Variants in SPAG9 observed in about 807,000 individuals in gnomAD.
SPAG9 encodes the protein sperm associated antigen 9.
In SPAG9, 35 loss-of-function variants were observed where a neutral mutation model predicts 166.5. The ratio of observed to expected loss-of-function variants is 0.21; its 90% CI spans 0.16 to 0.28. The LOEUF (loss-of-function observed/expected upper bound fraction) is 0.28. Ranked by LOEUF, SPAG9 falls within the 10% of genes least tolerant of loss-of-function variation. SPAG9 has a pLI of 1.00. For synonymous variants in SPAG9, 534 were observed against 565.5 expected, an observed-to-expected ratio of 0.94 and a Z score of 0.79; for missense variants, 1,235 against 1,603.3, an observed-to-expected ratio of 0.77 and a Z score of 3.92.
At chr17:50,991,081 A>G (rs1340329059) in intron 19 of SPAG9, among the ~76,000 whole-genome samples, 3 of 151,278 alleles carry the variant, frequency 2.0e-5, no homozygotes, top group Non-Finnish European at 4.4e-5. Context: ...TAATTTTTGT[A>G]TTTTTGGTAG....
At chr17:51,012,626 A>C (rs987477211) in intron 9 of SPAG9, among the ~76,000 whole-genome samples, 73 of 151,962 alleles carry the variant, frequency 4.8e-4, no homozygotes, top group African/African-American at 1.6e-3. Flanking sequence ...CAATTCATTC[A>C]ATTTCTTCCA....
chr17:51,040,292 A>T (rs1283330441), intron 5 of SPAG9: 2 of 152,112 alleles, frequency 1.3e-5, no homozygotes, highest in Non-Finnish European at 2.9e-5. Flanking sequence ...GCCCAGTAAC[A>T]TCACTGTGGG....
In SPAG9 at chr17:50,999,591, T is replaced by A. The variant is rs755436026; in HGVS notation, c.1664+70A>T. The A allele has an allele frequency of 4.6e-6, 7 of 1,506,466 alleles. No individual in the cohort carries two copies. In the African/African-American group the frequency reaches 7.0e-5, roughly 15 times the overall value. The allele number at this position is 1,506,466 out of a possible 1,614,324, so 93.3% of individuals were successfully genotyped here. A position where few individuals can be genotyped will look rare whatever the true frequency, so the allele number is the denominator to read the frequency against. ...AAGAAAATGGACATAAAATCATTCTTGGAAATAAATTTTGACTGTAATTTT... is the reference window on the plus strand; with the variant it reads ...AAGAAAATGGACATAAAATCATTCTAGGAAATAAATTTTGACTGTAATTTT... On this transcript the variant is annotated intron_variant, in intron 14 of 29. Coordinates refer to ENST00000262013, the MANE Select transcript of SPAG9 (RefSeq NM_001130528.3).
intron 1 of SPAG9, among the ~76,000 whole-genome samples, chr17:51,083,144 G>C (rs922522684): frequency 2.0e-5 from 3 of 151,964 alleles, no homozygotes; most frequent in African/African-American, 7.2e-5. Flanking sequence ...CCTGGAGCCA[G>C]AATTTTCCCA....
intron 1 of SPAG9, among the ~76,000 whole-genome samples, chr17:51,095,168 G>A (rs1474789156): frequency 6.6e-6 from 1 of 151,764 alleles, no homozygotes; most frequent in African/African-American, 2.4e-5. Context: ...GTGGTGGCGG[G>A]CACCTGTAGT....
At chr17:51,074,614 T>C (rs1378829376) in intron 2 of SPAG9, among the ~76,000 whole-genome samples, 1 of 152,188 alleles carries the variant, frequency 6.6e-6, no homozygotes, top group Admixed American at 6.5e-5. Context: ...AATAAAGTTT[T>C]TAGATCAAAT....
At position 50,990,604 on chromosome 17, in the gene SPAG9, T is replaced by C. The variant is rs779158869; in HGVS notation, c.2463A>G (p.Ala821=). Reference sequence around the variant, plus strand: ...TGCTTGTCATACTTCCACATAAAGATGCTTTGTCTACCTGACCAGATTCTG... The same window carrying C: ...TGCTTGTCATACTTCCACATAAAGACGCTTTGTCTACCTGACCAGATTCTG... ...DLSESGQVDK[A]SLCGSMTSNS... Residue 821 remains alanine, a synonymous_variant, in exon 20 of 30, where the codon GCA becomes GCG. Coordinates refer to ENST00000262013, the MANE Select transcript of SPAG9 (RefSeq NM_001130528.3). 2.5e-6 allele frequency: 4 copies of C among 1,614,128 alleles called. No homozygotes were observed. The highest frequency in any genetic ancestry group is 3.4e-6 in the Non-Finnish European group (4 of 1,180,050).
intron 1 of SPAG9, among the ~76,000 whole-genome samples, chr17:51,100,082 AGAGT>A (rs1221820704): frequency 6.6e-6 from 1 of 152,188 alleles, no homozygotes; most frequent in Admixed American, 6.6e-5. Context: ...CCTGAGCAAC[AGAGT>A]GAGACTCTGT....
intron 8 of SPAG9, among the ~76,000 whole-genome samples, chr17:51,015,368 T>C (rs1597997220): frequency 6.6e-6 from 1 of 152,222 alleles, no homozygotes; most frequent in South Asian, 2.1e-4. Flanking sequence ...GTACAGGACC[T>C]AGACACAATC....
intron 2 of SPAG9, among the ~76,000 whole-genome samples, chr17:51,062,809 C>T (rs1429639078): frequency 3.9e-5 from 6 of 151,978 alleles, no homozygotes; most frequent in Non-Finnish European, 8.8e-5. Flanking sequence ...AGGCTGGTCT[C>T]GAACTCCTGA....
intron 1 of SPAG9, among the ~76,000 whole-genome samples, chr17:51,113,725 A>G (rs952648770): frequency 5.9e-5 from 9 of 151,728 alleles, no homozygotes; most frequent in Admixed American, 5.3e-4. Flanking sequence ...GGTTGGGTGC[A>G]GTGGCTCACA....
chr17:50,976,407 C>A (rs906330562), intron 27 of SPAG9, among the ~76,000 whole-genome samples: 1 of 152,140 alleles, frequency 6.6e-6, no homozygotes, highest in African/African-American at 2.4e-5. Flanking sequence ...ACCTTGCTTT[C>A]TTTTAAAGGC....
intron 16 of SPAG9, 95 bp downstream of exon 16, chr17:50,996,470 G>T: frequency 7.0e-7 from 1 of 1,431,836 alleles, no homozygotes; most frequent in East Asian, 2.3e-5. Flanking sequence ...GAGATGAGCA[G>T]GGCTGGGATG....
intron 1 of SPAG9, among the ~76,000 whole-genome samples, chr17:51,083,713 G>T (rs1366322440): frequency 6.6e-6 from 1 of 151,958 alleles, no homozygotes; most frequent in African/African-American, 2.4e-5. Flanking sequence ...GAGCCACCAT[G>T]TTTAACTTTC....
intron 26 of SPAG9, among the ~76,000 whole-genome samples, chr17:50,978,083 C>G (rs4794197): frequency 6.6e-6 from 1 of 151,986 alleles, no homozygotes; most frequent in South Asian, 2.1e-4. Flanking sequence ...GGAGAACAAA[C>G]GCATTTTTGT....
chr17:51,083,564 T>C (rs1406295781), intron 1 of SPAG9, among the ~76,000 whole-genome samples: 2 of 149,972 alleles, frequency 1.3e-5, no homozygotes, highest in Non-Finnish European at 3.0e-5. Context: ...TATTTATTTA[T>C]TTATTTATTT....
At chr17:51,026,666 TTTC>T (rs903718361) in intron 6 of SPAG9, among the ~76,000 whole-genome samples, 3 of 141,430 alleles carry the variant, frequency 2.1e-5, no homozygotes, top group African/African-American at 7.8e-5. Context: ...CCCTTTTCTT[TTTC>T]TTTTCTTTTT....
chr17:51,064,477 T>C (rs2047605289), intron 2 of SPAG9, among the ~76,000 whole-genome samples: 2 of 152,212 alleles, frequency 1.3e-5, no homozygotes, highest in Middle Eastern at 3.4e-3. Context: ...GCAATTGAAA[T>C]GGGGGTGGAG....
At chr17:51,105,224 G>A (rs2048915953) in intron 1 of SPAG9, among the ~76,000 whole-genome samples, 1 of 152,186 alleles carries the variant, frequency 6.6e-6, no homozygotes. Flanking sequence ...AGAAAGCCCA[G>A]GAGCACAACA....
Sources: gnomAD v4.1 joint callset for allele counts (sites outside exome capture counted in the v4.1 genomes callset) on GRCh38, gnomAD v4.1.1 for gene constraint, MANE v1.5 for transcripts, NCBI Gene and HGNC (gene_info 2026-07-23, HGNC 2026-07-21) for gene names.